The following GFI1B variants were observed in gnomAD, a reference collection of about 807,000 sequenced individuals.
GFI1B encodes the protein zinc finger protein Gfi-1b.
Under a neutral mutation model 35.3 loss-of-function variants are expected in GFI1B, and 20 were observed. That is an observed-to-expected ratio of 0.57 (90% CI 0.40 to 0.82). The LOEUF is 0.82. GFI1B is among the 40% of genes least tolerant of loss of function. The probability of loss-of-function intolerance (pLI) is 0.00; values close to 1 mark genes in which losing one functional copy is unlikely to be tolerated. For missense variants in GFI1B, 430 were observed against 446.3 expected, an observed-to-expected ratio of 0.96 and a Z score of 0.33; for synonymous variants, 178 against 177.6, an observed-to-expected ratio of 1.00 and a Z score of -0.02.
Position 132,980,385 on chromosome 9 carries a change from C to G in GFI1B, c.-21+1544C>G, listed in dbSNP as rs79781225. On this transcript the variant is annotated intron_variant, in intron 1 of 6. Coordinates refer to ENST00000372122, the MANE Select transcript of GFI1B (RefSeq NM_001377304.1). The stretch of plus-strand genomic sequence containing the variant: ...TTGAAACATCAGCAAACACCACCCC[C>G]TCTTAGTCTAGAGGGAGGCTTTTCG... Among the ~76,000 whole-genome samples, 1,473 of 152,324 alleles carry G rather than the reference C, an allele frequency of 9.7e-3. 26 individuals are homozygous for G. Among genetic ancestry groups the G allele is most frequent in the African/African-American group, 0.032 (1,336 of 41,556 alleles).
At chr9:132,992,591 G>A (rs192261707), downstream of GFI1B, among the ~76,000 whole-genome samples, 7 of 152,242 alleles carry the variant, frequency 4.6e-5, no homozygotes, top group African/African-American at 1.7e-4. Context: ...AAGTGCTGCC[G>A]AGTTGTGAAC....
intron 1 of GFI1B, among the ~76,000 whole-genome samples, chr9:132,971,490 G>A (rs1321467061): frequency 1.3e-5 from 2 of 152,220 alleles, no homozygotes; most frequent in Non-Finnish European, 2.9e-5. Flanking sequence ...CAACTTCCAA[G>A]CTGGGGGAGT....
intron 1 of GFI1B, among the ~76,000 whole-genome samples, chr9:132,961,842 C>T (rs1848370131): frequency 6.6e-6 from 1 of 152,016 alleles, no homozygotes; most frequent in African/African-American, 2.4e-5. Context: ...CTGCCTGCCT[C>T]AGCCTCCCAA....
intron 2 of GFI1B, among the ~76,000 whole-genome samples, chr9:132,973,135 C>T (rs1220465934): frequency 1.3e-5 from 2 of 152,252 alleles, no homozygotes; most frequent in African/African-American, 4.8e-5. Flanking sequence ...TTGTCCCATT[C>T]CCAGGACTGT....
intron 1 of GFI1B, among the ~76,000 whole-genome samples, chr9:132,960,677 A>AT (rs373283577): frequency 6.6e-6 from 1 of 151,348 alleles, no homozygotes; most frequent in African/African-American, 2.4e-5. Context: ...TTTTATTTTT[A>AT]TTTTTTTAGA....
chr9:132,965,671 C>T (rs989419220), intron 1 of GFI1B, among the ~76,000 whole-genome samples: 20 of 152,330 alleles, frequency 1.3e-4, no homozygotes, highest in African/African-American at 4.6e-4. Context: ...GGCGCAGCTC[C>T]AGGCCAAGGA....
At chr9:132,948,651 G>A (rs1031996480) in intron 1 of GFI1B, among the ~76,000 whole-genome samples, 2 of 152,238 alleles carry the variant, frequency 1.3e-5, no homozygotes, top group Non-Finnish European at 2.9e-5. Flanking sequence ...CGCAGGATGG[G>A]GTCTGAGCTT....
At chr9:132,979,240 G>T (rs922198197) in intron 1 of GFI1B, among the ~76,000 whole-genome samples, 1 of 142,292 alleles carries the variant, frequency 7.0e-6, no homozygotes, top group African/African-American at 2.6e-5. Flanking sequence ...TAAAGTTCCT[G>T]GGACACTTTT....
chr9:132,986,776 C>CG lies in GFI1B; in HGVS notation c.100+1dup. The CG allele has an allele frequency of 6.2e-7, 1 of 1,604,352 alleles. No individual in the cohort carries two copies. The highest frequency in any genetic ancestry group is 8.5e-7 in the Non-Finnish European group (1 of 1,173,588). The stretch of plus-strand genomic sequence containing the variant: ...CCGCTCTGGCCTCCTGCCCTTACCC[C>CG]GGGTGAGTCAGAGCCCGGGCTGGCG... On this transcript the variant is annotated frameshift_variant and splice_region_variant, in exon 2 of 7. Coordinates refer to ENST00000372122, the MANE Select transcript of GFI1B (RefSeq NM_001377304.1). LOFTEE classifies it high-confidence loss of function.
At chr9:132,979,845 G>A (rs1245755650) in intron 1 of GFI1B, among the ~76,000 whole-genome samples, 2 of 152,196 alleles carry the variant, frequency 1.3e-5, no homozygotes, top group Admixed American at 1.3e-4. Flanking sequence ...TTTTTCCGGG[G>A]AGAAAGTCCA....
chr9:132,984,712 G>T (rs910612335), intron 1 of GFI1B, among the ~76,000 whole-genome samples: 1 of 152,204 alleles, frequency 6.6e-6, no homozygotes. Flanking sequence ...TAGCAGATAT[G>T]AGCACTGAGG....
At chr9:132,973,314 C>G (rs1848565401) in intron 2 of GFI1B, among the ~76,000 whole-genome samples, 1 of 152,266 alleles carries the variant, frequency 6.6e-6, no homozygotes, top group Non-Finnish European at 1.5e-5. Context: ...CCCAGCCCAC[C>G]TGCACCTGCC....
intron 1 of GFI1B, among the ~76,000 whole-genome samples, chr9:132,957,096 A>C (rs2132590303): frequency 6.6e-6 from 1 of 152,350 alleles, no homozygotes; most frequent in East Asian, 1.9e-4. Context: ...GAAGGAAGTC[A>C]CTAGGTAGTC....
intron 1 of GFI1B, among the ~76,000 whole-genome samples, chr9:132,958,570 A>G (rs193222893): frequency 3.3e-5 from 5 of 152,316 alleles, no homozygotes; most frequent in Non-Finnish European, 1.5e-5. Flanking sequence ...GGATGGTAAT[A>G]AACCATCCGT....
chr9:132,985,181 C>T (rs761742512), intron 1 of GFI1B, among the ~76,000 whole-genome samples: 5 of 152,136 alleles, frequency 3.3e-5, no homozygotes, highest in African/African-American at 4.8e-5. Context: ...CCAGAGTGCC[C>T]GGGGGAACCT....
At chr9:132,952,881 GC>G (rs1848223054) in intron 1 of GFI1B, 1 of 152,102 alleles carries the variant, frequency 6.6e-6, no homozygotes, top group East Asian at 1.9e-4. Context: ...CCTTATTTTA[GC>G]CTATCAATGT....
intron 1 of GFI1B, among the ~76,000 whole-genome samples, chr9:132,983,766 T>G (rs1406794215): frequency 6.6e-6 from 1 of 152,232 alleles, no homozygotes; most frequent in Non-Finnish European, 1.5e-5. Flanking sequence ...CCACTCCCTC[T>G]GCAGAGAGAA....
At chr9:132,979,717 T>C (rs143042724) in intron 1 of GFI1B, among the ~76,000 whole-genome samples, 8 of 152,092 alleles carry the variant, frequency 5.3e-5, no homozygotes, top group Non-Finnish European at 1.2e-4. Flanking sequence ...TTCCACCTAT[T>C]TTTGGAGAAA....
chr9:132,983,361 T>C (rs1209765376), intron 1 of GFI1B, among the ~76,000 whole-genome samples: 2 of 151,954 alleles, frequency 1.3e-5, no homozygotes, highest in East Asian at 1.9e-4. Flanking sequence ...CATGCCCGGC[T>C]AATTTTTGTA....
Sources: allele counts gnomAD v4.1 joint callset (sites outside exome capture counted in the v4.1 genomes callset), GRCh38; gene constraint gnomAD v4.1.1; transcripts MANE v1.5; gene names NCBI Gene and HGNC (gene_info 2026-07-23, HGNC 2026-07-21).